The following FZD3 variants were observed in gnomAD, a reference collection of about 807,000 sequenced individuals.
FZD3 encodes the protein frizzled class receptor 3, also known as frizzled-3.
Under a neutral mutation model 60.7 loss-of-function variants are expected in FZD3, and 30 were observed. That is an observed-to-expected ratio of 0.49 (90% CI 0.37 to 0.67). FZD3 has a LOEUF of 0.67. Ranked by LOEUF, FZD3 falls within the 30% of genes least tolerant of loss-of-function variation. FZD3 has a pLI of 0.00. For missense variants in FZD3, 605 were observed against 838.7 expected, an observed-to-expected ratio of 0.72 and a Z score of 3.44; for synonymous variants, 246 against 275.2, an observed-to-expected ratio of 0.89 and a Z score of 1.05.
chr8:28,535,392 G>A (rs1804983811), intron 5 of FZD3, among the ~76,000 whole-genome samples: 2 of 152,090 alleles, frequency 1.3e-5, no homozygotes, highest in South Asian at 4.1e-4. Flanking sequence ...AACCAATAGT[G>A]ATACATTATT....
At chr8:28,550,483 T>A in intron 5 of FZD3, among the ~76,000 whole-genome samples, 4 of 29,272 alleles carry the variant, frequency 1.4e-4, no homozygotes, top group South Asian at 1.5e-3. Flanking sequence ...TCTTTTATCT[T>A]TTTTTTTTTT....
intron 3 of FZD3, among the ~76,000 whole-genome samples, chr8:28,505,641 G>A (rs937044344): frequency 4.6e-5 from 7 of 152,142 alleles, no homozygotes; most frequent in East Asian, 1.9e-4. Context: ...ATGAGCCACC[G>A]CGCCTGGCTG....
At chr8:28,520,024 A>T (rs927007638) in intron 3 of FZD3, among the ~76,000 whole-genome samples, 1 of 152,032 alleles carries the variant, frequency 6.6e-6, no homozygotes, top group Non-Finnish European at 1.5e-5. Context: ...AGCCTGGCCA[A>T]CATGGGGAAA....
rs1308820274 is a variant in FZD3, at chr8:28,563,187, A to G, written c.*176A>G. On this transcript the variant is annotated 3_prime_UTR_variant, in exon 8 of 8. Coordinates refer to ENST00000240093, the MANE Select transcript of FZD3 (RefSeq NM_017412.4). The stretch of plus-strand genomic sequence containing the variant: ...ATATTGCATCAAACTTGGAACATCA[A>G]GGCATCCAAAACACTAAGAATTCTA... 3.4e-6 allele frequency: 2 copies of G among 582,542 alleles called. No individual in the cohort carries two copies. Among genetic ancestry groups the G allele is most frequent in the Admixed American group, 5.8e-5 (2 of 34,264 alleles). 36.1% of individuals were successfully genotyped at this position (582,542 alleles called of 1,614,324 possible).
At chr8:28,535,479 C>T (rs1328547662) in intron 5 of FZD3, among the ~76,000 whole-genome samples, 1 of 152,128 alleles carries the variant, frequency 6.6e-6, no homozygotes, top group African/African-American at 2.4e-5. Flanking sequence ...AGATCCCATC[C>T]AGGAGATGAC....
intron 3 of FZD3, among the ~76,000 whole-genome samples, chr8:28,519,597 G>A (rs1017115514): frequency 5.3e-5 from 8 of 151,900 alleles, no homozygotes; most frequent in African/African-American, 1.9e-4. Flanking sequence ...CTGTGTGGTG[G>A]TGCGTGCCTG....
chr8:28,544,939 A>AGG (rs1392957344), intron 5 of FZD3, among the ~76,000 whole-genome samples: 1 of 152,164 alleles, frequency 6.6e-6, no homozygotes, highest in Non-Finnish European at 1.5e-5. Flanking sequence ...GAGTTGATGC[A>AGG]GGGCGTTACG....
chr8:28,527,622 A>T lies in FZD3; in HGVS notation c.862A>T (p.Met288Leu). 6.2e-7 allele frequency: 1 copy of T among 1,613,956 alleles called. No individual in the cohort carries two copies. The highest frequency in any genetic ancestry group is 8.5e-7 in the Non-Finnish European group (1 of 1,179,878). Residue 288 changes from methionine (M) to leucine (L), a missense_variant, in exon 5 of 8, where the codon ATG becomes TTG. Transcript: ENST00000240093. The surrounding 1 kb of genome is among the most constrained non-coding windows in gnomAD (Gnocchi z 5.0). ...TQGSHNKACTMLFMILYFFTM... is the reference protein window; with the variant it reads ...TQGSHNKACTLLFMILYFFTM... ...AGGATCTCATAATAAAGCCTGTACC[A>T]TGCTTTTTATGATACTCTATTTTTT...
chr8:28,494,358 G>C lies in FZD3; in HGVS notation c.-391+15G>C, dbSNP rs1249750052. 1 of 152,052 alleles carries C rather than the reference G, an allele frequency of 6.6e-6. No individual in the cohort carries two copies. The highest frequency in any genetic ancestry group is 1.5e-5 in the Non-Finnish European group (1 of 68,096). 9.4% of individuals were successfully genotyped at this position (152,052 alleles called of 1,614,324 possible). ...CGGGGTCTGAGGTGAGCCCCGCGAA[G>C]CGTGTGGGCCCCTGGGCCGGGGCAG... On this transcript the variant is annotated intron_variant, in intron 1 of 7. Coordinates refer to ENST00000240093, the MANE Select transcript of FZD3 (RefSeq NM_017412.4).
rs1805648856 is a variant in FZD3, at chr8:28,563,272, C to A, written c.*261C>A. On this transcript the variant is annotated 3_prime_UTR_variant, in exon 8 of 8. Transcript: ENST00000240093. Reference sequence around the variant, plus strand: ...AAGAGATAATTATTTGTCTGGTAAGCATTTTTATAAACCCACTCATTTTAT... The same window carrying A: ...AAGAGATAATTATTTGTCTGGTAAGAATTTTTATAAACCCACTCATTTTAT... The A allele has an allele frequency of 2.4e-6, 1 of 408,338 alleles. No homozygotes were observed. The allele number at this position is 408,338 out of a possible 1,614,324, so 25.3% of individuals were successfully genotyped here.
intron 5 of FZD3, among the ~76,000 whole-genome samples, chr8:28,550,419 T>G (rs1293190725): frequency 1.4e-5 from 2 of 143,530 alleles, no homozygotes; most frequent in South Asian, 2.4e-4. Flanking sequence ...TAACCAACTT[T>G]GGGTTATTAG....
At position 28,570,353 on chromosome 8, in the gene FZD3, G is replaced by T. The variant is rs1390318834; in HGVS notation, c.*7342G>T. 6.6e-6 allele frequency: 1 copy of T among 152,328 alleles called. No individual in the cohort carries two copies. Among genetic ancestry groups the T allele is most frequent in the African/African-American group, 2.4e-5 (1 of 41,440 alleles). The allele number at this position is 152,328 out of a possible 1,614,324, so 9.4% of individuals were successfully genotyped here. On this transcript the variant is annotated 3_prime_UTR_variant, in exon 8 of 8. Transcript: ENST00000240093. ...CTAAAAATACAAAAATTAGCCAGGC[G>T]CAGTGGCTCACGCCTGTAATCCCAA...
At chr8:28,546,518 G>A (rs1460553389) in intron 5 of FZD3, among the ~76,000 whole-genome samples, 1 of 152,108 alleles carries the variant, frequency 6.6e-6, no homozygotes, top group Middle Eastern at 3.2e-3. Context: ...TTGTTGACCT[G>A]TTATTTCTTT....
chr8:28,562,686 T>C (rs919751770), intron 7 of FZD3, 112 bp from the exon 8 acceptor site: 2 of 680,032 alleles, frequency 2.9e-6, no homozygotes, highest in African/African-American at 3.6e-5. Context: ...TACTTTCTCA[T>C]GGTTGGTTTC....
intron 3 of FZD3, among the ~76,000 whole-genome samples, chr8:28,509,370 TAC>T (rs1430323411): frequency 6.6e-6 from 1 of 151,872 alleles, no homozygotes; most frequent in Non-Finnish European, 1.5e-5. Context: ...CCTTTTTTGA[TAC>T]AGTTATAACG....
chr8:28,530,087 A>ATC (rs1287648949), intron 5 of FZD3, among the ~76,000 whole-genome samples: 2 of 127,104 alleles, frequency 1.6e-5, no homozygotes, highest in Non-Finnish European at 3.4e-5. Flanking sequence ...ACTGAAATAT[A>ATC]TCTGTGTGTG....
intron 1 of FZD3, among the ~76,000 whole-genome samples, chr8:28,494,703 G>A (rs1217322410): frequency 6.6e-6 from 1 of 152,074 alleles, no homozygotes; most frequent in Non-Finnish European, 1.5e-5. Flanking sequence ...GGCAACCTGT[G>A]CGAGTGTGGA....
Position 28,525,833 on chromosome 8 carries a change from C to G in FZD3, c.387-1314C>G, listed in dbSNP as rs543116143. On this transcript the variant is annotated intron_variant, in intron 4 of 7. Coordinates refer to ENST00000240093, the MANE Select transcript of FZD3 (RefSeq NM_017412.4). The stretch of plus-strand genomic sequence containing the variant: ...AATATTTATGGCTCAGACTGGGCAC[C>G]AGCAGGGGAGGAAATGAGAAGAGTT... Among the ~76,000 whole-genome samples the G allele has an allele frequency of 3.3e-5, 5 of 152,220 alleles. No individual in the cohort carries two copies. The East Asian group carries it at 9.7e-4, about 29-fold the overall frequency.
chr8:28,553,319 C>T (rs1405162793), intron 6 of FZD3, among the ~76,000 whole-genome samples: 3 of 152,172 alleles, frequency 2.0e-5, no homozygotes, highest in Non-Finnish European at 4.4e-5. Context: ...CTTTTGGATA[C>T]CAATGATTTG....
Sources: gnomAD v4.1 joint callset for allele counts (sites outside exome capture counted in the v4.1 genomes callset) on GRCh38, gnomAD v4.1.1 for gene constraint, Gnocchi (gnomAD v3.1) non-coding constraint, MANE v1.5 for transcripts, NCBI Gene and HGNC (gene_info 2026-07-23, HGNC 2026-07-21) for gene names.